Variants in PPCDC observed in about 807,000 individuals in gnomAD.
PPCDC encodes phosphopantothenoylcysteine decarboxylase.
Under a neutral mutation model 20.7 loss-of-function variants are expected in PPCDC, and 20 were observed. The ratio of observed to expected loss-of-function variants is 0.97; its 90% CI spans 0.68 to 1.41. The LOEUF is 1.41. Among genes scored for constraint, PPCDC ranks in the 40% most tolerant of loss-of-function variants. The pLI is 0.00. For missense variants in PPCDC, 246 were observed against 263.8 expected, an observed-to-expected ratio of 0.93 and a Z score of 0.47; for synonymous variants, 88 against 100.3, an observed-to-expected ratio of 0.88 and a Z score of 0.73.
chr15:75,031,866 G>A (rs2066025597), intron 2 of PPCDC, among the ~76,000 whole-genome samples: 2 of 152,164 alleles, frequency 1.3e-5, no homozygotes, highest in Admixed American at 1.3e-4. Context: ...TGGGGCTTCT[G>A]GGGGTGGTGG....
intron 4 of PPCDC, among the ~76,000 whole-genome samples, chr15:75,045,758 C>T (rs1364194769): frequency 6.6e-6 from 1 of 152,066 alleles, no homozygotes; most frequent in Non-Finnish European, 1.5e-5. Flanking sequence ...GAAGGCTTTC[C>T]CTATAGTCCC....
intron 2 of PPCDC, 96 bp downstream of exon 2, chr15:75,028,549 TTTTC>T: frequency 3.3e-6 from 5 of 1,527,168 alleles, no homozygotes; most frequent in Non-Finnish European, 4.5e-6. Context: ...GCAATTTTCT[TTTTC>T]TTTATCATGT....
intron 2 of PPCDC, 83 bp downstream of exon 2, chr15:75,028,536 C>T: frequency 6.4e-7 from 1 of 1,552,690 alleles, no homozygotes. Flanking sequence ...CTCTGCAGTA[C>T]ATGCAATTTT....
chr15:75,042,820 G>A (rs554676710), intron 2 of PPCDC, among the ~76,000 whole-genome samples: 1 of 152,174 alleles, frequency 6.6e-6, no homozygotes, highest in Non-Finnish European at 1.5e-5. Flanking sequence ...TGTACACCAG[G>A]TAAACCTCAT....
chr15:75,027,734 C>A (rs1450976944), intron 1 of PPCDC, among the ~76,000 whole-genome samples: 1 of 152,154 alleles, frequency 6.6e-6, no homozygotes, highest in Non-Finnish European at 1.5e-5. Flanking sequence ...AACCAAAACT[C>A]CTCACCCTGG....
chr15:75,026,190 T>C (rs2065957642), intron 1 of PPCDC, among the ~76,000 whole-genome samples: 1 of 152,162 alleles, frequency 6.6e-6, no homozygotes. Context: ...TTTGCAGGAA[T>C]CTACCTATCC....
intron 2 of PPCDC, among the ~76,000 whole-genome samples, chr15:75,031,455 G>A (rs1239912732): frequency 6.6e-6 from 1 of 152,034 alleles, no homozygotes; most frequent in Non-Finnish European, 1.5e-5. Context: ...GGCCGGGCGC[G>A]GTGGCTCACT....
intron 4 of PPCDC, 147 bp from the exon 5 acceptor site, chr15:75,048,406 C>T (rs2066266783): frequency 1.9e-6 from 2 of 1,072,330 alleles, no homozygotes; most frequent in East Asian, 2.6e-5. Context: ...AGCCCCCACC[C>T]CTGAGGGATG....
intron 2 of PPCDC, among the ~76,000 whole-genome samples, chr15:75,033,085 G>T (rs961490883): frequency 2.0e-5 from 3 of 152,182 alleles, no homozygotes; most frequent in African/African-American, 7.2e-5. Context: ...TTACAAGCAT[G>T]TGCCACTGTG....
chr15:75,034,348 C>G (rs2066060551), intron 2 of PPCDC, among the ~76,000 whole-genome samples: 1 of 152,126 alleles, frequency 6.6e-6, no homozygotes, highest in Admixed American at 6.5e-5. Context: ...GTTACCTGTA[C>G]CCCACCTATC....
At chr15:75,043,710 C>G (rs2066184669) in intron 3 of PPCDC, 174 bp downstream of exon 3, 1 of 620,762 alleles carries the variant, frequency 1.6e-6, no homozygotes, top group South Asian at 2.0e-5. Flanking sequence ...TTCTGGCCTG[C>G]AGGAGGCCCT....
At chr15:75,034,115 G>C (rs2066057943) in intron 2 of PPCDC, among the ~76,000 whole-genome samples, 1 of 152,150 alleles carries the variant, frequency 6.6e-6, no homozygotes, top group South Asian at 2.1e-4. Context: ...CCCATGCATG[G>C]GTCATAAGGG....
Position 75,043,546 on chromosome 15 carries a change from G to T in PPCDC, c.231+10G>T. The stretch of plus-strand genomic sequence containing the variant: ...CGCTGATGAATGGGAGGTCAGTGCT[G>T]GGGCCCCTGGGCTGAGTTCCATTGA... On this transcript the variant is annotated intron_variant, in intron 3 of 5. Transcript: ENST00000342932. 6.3e-6 allele frequency: 10 copies of T among 1,595,890 alleles called. No individual in the cohort carries two copies. Among genetic ancestry groups the T allele is most frequent in the Non-Finnish European group, 8.6e-6 (10 of 1,168,854 alleles).
Position 75,049,167 on chromosome 15 carries a change from G to A in PPCDC, c.547G>A (p.Glu183Lys), listed in dbSNP as rs758605711. 6.2e-7 allele frequency: 1 copy of A among 1,614,216 alleles called. No individual in the cohort carries two copies. Among genetic ancestry groups the A allele is most frequent in the South Asian group, 1.1e-5 (1 of 91,088 alleles). ...GCTCCCAGGTCTCGGGGCCATGGCT[G>A]AAGTGGGGACCATCGTGGACAAAGT... ...CGDEGLGAMAEVGTIVDKVKE... is the reference protein window; with the variant it reads ...CGDEGLGAMAKVGTIVDKVKE... Residue 183 changes from glutamate to lysine, a missense_variant, in exon 6 of 6, where the codon GAA (glutamate) becomes AAA (lysine). By Grantham distance (56) the Glu-to-Lys change is moderately conservative. This residue lies in a region of PPCDC where 21 missense variants were observed against 41.2 expected (regional missense o/e 0.51). Coordinates refer to ENST00000342932, the MANE Select transcript of PPCDC (RefSeq NM_021823.5).
At chr15:75,041,571 G>T (rs2066153076) in intron 2 of PPCDC, among the ~76,000 whole-genome samples, 1 of 152,216 alleles carries the variant, frequency 6.6e-6, no homozygotes, top group African/African-American at 2.4e-5. Flanking sequence ...AGTTGAGGCT[G>T]CAGTGAGCCA....
chr15:75,048,253 C>A (rs927355373), intron 4 of PPCDC, among the ~76,000 whole-genome samples: 5 of 151,976 alleles, frequency 3.3e-5, no homozygotes, highest in African/African-American at 1.2e-4. Context: ...CCCAGGGTTG[C>A]TTTTCCCAGG....
rs1454755242 is a variant in PPCDC at position 75,043,456 on chromosome 15, G to A, written c.151G>A (p.Val51Ile). Residue 51 changes from valine (V) to isoleucine (I), a missense_variant, in exon 3 of 6, where the codon GTC (valine) becomes ATC (isoleucine). Val to Ile is a conservative substitution (Grantham distance 29). Transcript: ENST00000342932. ...TTGGTGACAGCTGGAAGTAGCAGTG[G>A]TCACAACTGAGAGAGCCAAACATTT... ...LDIPGLEVAVVTTERAKHFYS... is the reference protein window; with the variant it reads ...LDIPGLEVAVITTERAKHFYS... 7 of 1,612,352 alleles carry A rather than the reference G, an allele frequency of 4.3e-6. No homozygotes were observed. Among genetic ancestry groups the A allele is most frequent in the Non-Finnish European group, 5.9e-6 (7 of 1,179,296 alleles).
intron 2 of PPCDC, among the ~76,000 whole-genome samples, chr15:75,029,219 C>T (rs769215371): frequency 3.1e-4 from 47 of 152,202 alleles, no homozygotes; most frequent in Admixed American, 1.6e-3. Context: ...CTGCTCCTCT[C>T]TCGCCTTTTC....
Position 75,044,398 on chromosome 15 carries a change from C to A in PPCDC, c.244C>A (p.Arg82Ser). The change falls in exon 4 of 6, where the codon CGC becomes AGC. Residue 82 changes from arginine (R) to serine (S), a missense_variant. Transcript: ENST00000342932. Reference protein sequence around the residue: ...DADEWEIWKSRSDPVLHIDLR... With the variant: ...DADEWEIWKSSSDPVLHIDLR... ...TTCCCTCTGCCAGATATGGAAGAGC[C>A]GCTCTGACCCAGTTCTGCACATTGA... is the stretch of plus-strand genomic sequence containing the variant. 6.2e-7 allele frequency: 1 copy of A among 1,613,980 alleles called. No individual in the cohort carries two copies. Among genetic ancestry groups the A allele is most frequent in the East Asian group, 2.2e-5 (1 of 44,876 alleles).
Sources: allele counts gnomAD v4.1 joint callset (sites outside exome capture counted in the v4.1 genomes callset), GRCh38; gene constraint gnomAD v4.1.1; regional missense constraint gnomAD v4.1.1; transcripts MANE v1.5; gene names NCBI Gene and HGNC (gene_info 2026-07-23, HGNC 2026-07-21).